Variants in IL4R observed in about 807,000 individuals in gnomAD.
IL4R encodes the protein interleukin-4 receptor subunit alpha.
A neutral mutation model predicts 41.5 loss-of-function variants in IL4R; 17 were observed. The observed-to-expected ratio is 0.41, with a 90% CI of 0.28 to 0.61. The LOEUF is 0.61. IL4R is among the 20% of genes least tolerant of loss of function. The pLI is 0.31. For synonymous variants in IL4R, 402 were observed against 422.9 expected (o/e 0.95, Z 0.61); for missense variants, 974 against 1,043.1 (o/e 0.93, Z 0.91).
intron 1 of IL4R, among the ~76,000 whole-genome samples, chr16:27,327,024 G>C (rs982089938): frequency 1.1e-4 from 16 of 152,272 alleles, no homozygotes; most frequent in African/African-American, 2.9e-4. Flanking sequence ...AGAAGCCAGA[G>C]GAAGCTCTGG....
At chr16:27,360,911 T>G (rs769588082) in intron 10 of IL4R, 96 bp downstream of exon 10, 2 of 1,608,876 alleles carry the variant, frequency 1.2e-6, no homozygotes, top group Non-Finnish European at 1.7e-6. Context: ...TTCTCTTCCC[T>G]GCATTCGGTA....
In IL4R at chr16:27,344,865, GC is replaced by G. The variant is rs1441880314; in HGVS notation, c.210-3del. 6.2e-7 allele frequency: 1 copy of G among 1,613,914 alleles called. No homozygotes were observed. Among genetic ancestry groups the G allele is most frequent in the Non-Finnish European group, 8.5e-7 (1 of 1,179,984 alleles). ...CCAGCCTAACCCAGCCCCTGTGTCT[GC>G]AGAGCCCACACGTGTATCCCTGAGA... On this transcript the variant is annotated splice_region_variant and splice_polypyrimidine_tract_variant and intron_variant, in intron 4 of 10. Coordinates refer to ENST00000395762, the MANE Select transcript of IL4R (RefSeq NM_000418.4).
chr16:27,314,101 C>T lies in IL4R; in HGVS notation c.-152+81C>T, dbSNP rs557742912. ...CGGCTGAGGGCGTTCGGGAAGGGCTCGGCCGCCGGCGGGGACCACGGGGAC... is the reference window on the plus strand; with the variant it reads ...CGGCTGAGGGCGTTCGGGAAGGGCTTGGCCGCCGGCGGGGACCACGGGGAC... On this transcript the variant is annotated intron_variant, in intron 1 of 10. Transcript: ENST00000395762. 1,866 of 984,674 alleles carry T rather than the reference C, an allele frequency of 1.9e-3. 27 individuals are homozygous for T. The African/African-American group carries it at 0.029, about 16-fold the overall frequency. 61.0% of individuals were successfully genotyped at this position (984,674 alleles called of 1,614,324 possible).
At position 27,341,158 on chromosome 16, in the gene IL4R, C is replaced by T. The variant is rs776137353; in HGVS notation, c.70+885C>T. The T allele has an allele frequency of 2.7e-5, 19 of 692,924 alleles. 1 individual carries two copies. Among genetic ancestry groups the T allele is most frequent in the South Asian group, 6.0e-5 (4 of 66,846 alleles). 42.9% of individuals were successfully genotyped at this position (692,924 alleles called of 1,614,324 possible). Reference sequence around the variant, plus strand: ...CTGGAGTGGAGGAGATGAGAGGCTCCGGATCCCTCTGGGAGGTAGATTTGA... The same window carrying T: ...CTGGAGTGGAGGAGATGAGAGGCTCTGGATCCCTCTGGGAGGTAGATTTGA... On this transcript the variant is annotated intron_variant, in intron 3 of 10. Coordinates refer to ENST00000395762, the MANE Select transcript of IL4R (RefSeq NM_000418.4).
intron 2 of IL4R, chr16:27,334,344 A>G (rs2085194876): frequency 6.6e-6 from 1 of 152,092 alleles, no homozygotes; most frequent in Non-Finnish European, 1.5e-5. Context: ...TGCATCTGTG[A>G]TCTCTCCTGA....
intron 4 of IL4R, among the ~76,000 whole-genome samples, chr16:27,343,100 A>G (rs1567320102): frequency 6.6e-6 from 1 of 152,118 alleles, no homozygotes; most frequent in Non-Finnish European, 1.5e-5. Context: ...TCCCTGGGCT[A>G]CTCCATGGTG....
In IL4R at chr16:27,345,221, C is replaced by CA. The variant is rs1466242843; in HGVS notation, c.361+201_361+202insA. On this transcript the variant is annotated intron_variant, in intron 5 of 10. Coordinates refer to ENST00000395762, the MANE Select transcript of IL4R (RefSeq NM_000418.4). The surrounding 1 kb of genome is among the most constrained non-coding windows in gnomAD (Gnocchi z 4.5). ...TTGAAACGGAGCTGGTCGCAGTAGACCACCAAGCCCCCTTCAGCCCAGCTG... is the reference window on the plus strand; with the variant it reads ...TTGAAACGGAGCTGGTCGCAGTAGACACACCAAGCCCCCTTCAGCCCAGCTG... 1.4e-6 allele frequency: 1 copy of CA among 709,678 alleles called. No individual in the cohort carries two copies. Among genetic ancestry groups the CA allele is most frequent in the East Asian group, 2.7e-5 (1 of 36,374 alleles). The allele number at this position is 709,678 out of a possible 1,614,324, so 44.0% of individuals were successfully genotyped here. A position where few individuals can be genotyped will look rare whatever the true frequency, so the allele number is the denominator to read the frequency against.
In IL4R at chr16:27,363,611, G is replaced by GC; in HGVS notation, c.2264dup (p.Thr756TyrfsTer35). 2 of 1,613,572 alleles carry GC rather than the reference G, an allele frequency of 1.2e-6. No individual in the cohort carries two copies. Among genetic ancestry groups the GC allele is most frequent in the Middle Eastern group, 1.7e-4 (1 of 6,052 alleles). Reference sequence around the variant, plus strand: ...GCTGCTGCTGTGGAGACAGGTCCTCGCCCCCTACAACCCCCCTGAGGGCCC... The same window carrying GC: ...GCTGCTGCTGTGGAGACAGGTCCTCGCCCCCCTACAACCCCCCTGAGGGCCC... On this transcript the variant is annotated frameshift_variant, in exon 11 of 11. Coordinates refer to ENST00000395762, the MANE Select transcript of IL4R (RefSeq NM_000418.4). LOFTEE classifies it low-confidence loss of function (END_TRUNC).
chr16:27,363,477 A>C lies in IL4R; in HGVS notation c.2125A>C (p.Ser709Arg). The stretch of plus-strand genomic sequence containing the variant: ...AGACCCCCTTGTGGACAGCCTGGGC[A>C]GTGGCATTGTCTACTCAGCCCTTAC... Reference protein sequence around the residue: ...ATDPLVDSLGSGIVYSALTCH... With the variant: ...ATDPLVDSLGRGIVYSALTCH... Residue 709 changes from serine (S) to arginine (R), a missense_variant, in exon 11 of 11, where the codon AGT becomes CGT. Ser to Arg is a moderately radical substitution (Grantham distance 110, BLOSUM62 -1). This residue lies in a region of IL4R where 682 missense variants were observed against 704.3 expected (regional missense o/e 0.97). Coordinates refer to ENST00000395762, the MANE Select transcript of IL4R (RefSeq NM_000418.4). The C allele has an allele frequency of 6.2e-7, 1 of 1,614,054 alleles. No individual in the cohort carries two copies. The highest frequency in any genetic ancestry group is 1.1e-5 in the South Asian group (1 of 91,072).
Position 27,346,531 on chromosome 16 carries a change from C to T in IL4R, c.426C>T (p.Thr142=). 6.2e-7 allele frequency: 1 copy of T among 1,614,186 alleles called. No homozygotes were observed. The highest frequency in any genetic ancestry group is 1.1e-5 in the South Asian group (1 of 91,088). The part of the protein sequence containing the change: ...HTNVSDTLLL[T]WSNPYPPDNY... Reference sequence around the variant, plus strand: ...ATGTCTCCGACACTCTGCTGCTGACCTGGAGCAACCCGTATCCCCCTGACA... The same window carrying T: ...ATGTCTCCGACACTCTGCTGCTGACTTGGAGCAACCCGTATCCCCCTGACA... The change falls in exon 6 of 11, where the codon ACC becomes ACT. Residue 142 remains threonine (T), a synonymous_variant. Transcript: ENST00000395762.
chr16:27,339,886 G>A (rs984414253), intron 2 of IL4R, among the ~76,000 whole-genome samples: 7 of 152,032 alleles, frequency 4.6e-5, no homozygotes, highest in Non-Finnish European at 8.8e-5. Context: ...GTGAAACCCC[G>A]TCTCTACTAA....
rs1206613223 is a variant in IL4R, at chr16:27,363,615, C to T, written c.2263C>T (p.Pro755Ser). Reference sequence around the variant, plus strand: ...CTGCTGTGGAGACAGGTCCTCGCCCCCTACAACCCCCCTGAGGGCCCCAGA... The same window carrying T: ...CTGCTGTGGAGACAGGTCCTCGCCCTCTACAACCCCCCTGAGGGCCCCAGA... ...GCCCGDRSSP[P>S]TTPLRAPDPS... Residue 755 changes from proline to serine, a missense_variant, in exon 11 of 11, where the codon CCT (proline) becomes TCT (serine). Around this residue, in one of 3 missense-constraint regions of IL4R, gnomAD observed 682 missense variants for 704.3 expected, o/e 0.97. Transcript: ENST00000395762. 1.9e-6 allele frequency: 3 copies of T among 1,613,814 alleles called. No individual in the cohort carries two copies. The African/African-American group carries it at 4.0e-5, about 22-fold the overall frequency.
chr16:27,314,036 C>T lies in IL4R; in HGVS notation c.-152+16C>T. 3 of 984,678 alleles carry T rather than the reference C, an allele frequency of 3.0e-6. No homozygotes were observed. The highest frequency in any genetic ancestry group is 3.6e-6 in the Non-Finnish European group (3 of 829,690). The allele number at this position is 984,678 out of a possible 1,614,324, so 61.0% of individuals were successfully genotyped here. A position where few individuals can be genotyped will look rare whatever the true frequency, so the allele number is the denominator to read the frequency against. On this transcript the variant is annotated intron_variant, in intron 1 of 10. Transcript: ENST00000395762. ...GGGCGCGCAGGTAGGATCCGGGGCC[C>T]GCGCGCGGATCGGGTTGCGAAGGTA...
At chr16:27,320,362 A>G (rs754084582) in intron 1 of IL4R, among the ~76,000 whole-genome samples, 10 of 152,200 alleles carry the variant, frequency 6.6e-5, no homozygotes, top group Non-Finnish European at 1.5e-4. Context: ...AATACATGTA[A>G]TGTGCTTGAA....
chr16:27,344,328 C>CA (rs1226092304), intron 4 of IL4R, among the ~76,000 whole-genome samples: 1 of 110,528 alleles, frequency 9.0e-6, no homozygotes, highest in Non-Finnish European at 1.9e-5. Flanking sequence ...AAACAAAAAA[C>CA]AAAAAACTCG....
rs1397668461 is a variant in IL4R at position 27,362,669 on chromosome 16, G to A, written c.1317G>A (p.Thr439=). The part of the protein sequence containing the change: ...ESCLLPPSGS[T]SAHMPWDEFP... ...GCCTTCTTCCACCTTCGGGAAGTAC[G>A]AGTGCTCACATGCCCTGGGATGAGT... is the stretch of plus-strand genomic sequence containing the variant. Residue 439 remains threonine, a synonymous_variant, in exon 11 of 11, where the codon ACG becomes ACA. Coordinates refer to ENST00000395762, the MANE Select transcript of IL4R (RefSeq NM_000418.4). The A allele has an allele frequency of 3.7e-6, 6 of 1,614,108 alleles. No individual in the cohort carries two copies. The highest frequency in any genetic ancestry group is 1.1e-5 in the South Asian group (1 of 91,084).
intron 1 of IL4R, among the ~76,000 whole-genome samples, chr16:27,326,277 A>T (rs2084953772): frequency 6.6e-6 from 1 of 152,206 alleles, no homozygotes; most frequent in African/African-American, 2.4e-5. Flanking sequence ...GAATGAATGA[A>T]TGAATGGCCT....
At chr16:27,349,767 TGAG>T (rs565748974) in intron 6 of IL4R, among the ~76,000 whole-genome samples, 512 of 152,298 alleles carry the variant, frequency 3.4e-3, no homozygotes, top group Middle Eastern at 0.024. Context: ...TTGTTGTTGT[TGAG>T]ACAGAGTCTC....
rs549372791 is a variant in IL4R, at chr16:27,349,137, C to T, written c.513+2519C>T. On this transcript the variant is annotated intron_variant, in intron 6 of 10. Coordinates refer to ENST00000395762, the MANE Select transcript of IL4R (RefSeq NM_000418.4). ...TGATTGGCCAGAGCTTGGCCACATGCTCCCCTCTGATGAATGATAGGCCAG... is the reference window on the plus strand; with the variant it reads ...TGATTGGCCAGAGCTTGGCCACATGTTCCCCTCTGATGAATGATAGGCCAG... 1.3e-5 allele frequency among the ~76,000 whole-genome samples: 2 copies of T among 152,330 alleles called. 1 individual carries two copies. The highest frequency in any genetic ancestry group is 2.9e-5 in the Non-Finnish European group (2 of 68,032).
Sources: allele counts gnomAD v4.1 joint callset (sites outside exome capture counted in the v4.1 genomes callset), GRCh38; gene constraint gnomAD v4.1.1; regional missense constraint gnomAD v4.1.1; non-coding constraint Gnocchi (gnomAD v3.1); transcripts MANE v1.5; gene names NCBI Gene and HGNC (gene_info 2026-07-23, HGNC 2026-07-21).